COL25A1: variants seen among roughly 807,000 people sequenced by gnomAD.
COL25A1 encodes the protein collagen type XXV alpha 1 chain.
A neutral mutation model predicts 128.4 loss-of-function variants in COL25A1; 103 were observed. The observed-to-expected ratio is 0.80, with a 90% CI of 0.68 to 0.94. The LOEUF is 0.94. Among genes scored for constraint, COL25A1 ranks in the 40% least tolerant of loss-of-function variants. The pLI, the probability that COL25A1 is intolerant of heterozygous loss-of-function variation, is 0.00. For synonymous variants in COL25A1, 279 were observed against 277.2 expected (o/e 1.01, Z -0.06); for missense variants, 745 against 840.0 (o/e 0.89, Z 1.40).
chr4:109,298,095 T>C (rs1725166039), intron 3 of COL25A1, among the ~76,000 whole-genome samples: 1 of 151,994 alleles, frequency 6.6e-6, no homozygotes, highest in South Asian at 2.1e-4. Flanking sequence ...AAGTTAATCA[T>C]CTTCTCTGAG....
At chr4:109,182,891 C>T (rs998290493) in intron 3 of COL25A1, among the ~76,000 whole-genome samples, 4 of 151,990 alleles carry the variant, frequency 2.6e-5, no homozygotes, top group East Asian at 1.9e-4. Flanking sequence ...TTCCTATTAA[C>T]CTTTCAAGTT....
At chr4:109,100,803 G>A (rs1279239834) in intron 3 of COL25A1, among the ~76,000 whole-genome samples, 1 of 152,124 alleles carries the variant, frequency 6.6e-6, no homozygotes, top group African/African-American at 2.4e-5. Flanking sequence ...TGACAATGGA[G>A]AAGGAGATAT....
At chr4:109,229,618 C>T (rs1779034733) in intron 3 of COL25A1, among the ~76,000 whole-genome samples, 1 of 152,112 alleles carries the variant, frequency 6.6e-6, no homozygotes, top group Non-Finnish European at 1.5e-5. Flanking sequence ...AAACCACCAA[C>T]AGAAAGCACA....
At chr4:109,261,939 T>G (rs1327033771) in intron 3 of COL25A1, among the ~76,000 whole-genome samples, 1 of 151,898 alleles carries the variant, frequency 6.6e-6, no homozygotes, top group East Asian at 2.0e-4. Flanking sequence ...CCTCGTGATC[T>G]GCCTTTCTCG....
intron 3 of COL25A1, among the ~76,000 whole-genome samples, chr4:109,245,433 T>C (rs893067230): frequency 2.7e-5 from 4 of 150,764 alleles, no homozygotes; most frequent in Non-Finnish European, 5.9e-5. Context: ...AAGCCAAACT[T>C]GAAATAACAA....
chr4:109,285,161 A>G (rs943011521), intron 3 of COL25A1, among the ~76,000 whole-genome samples: 2 of 152,208 alleles, frequency 1.3e-5, no homozygotes, highest in African/African-American at 2.4e-5. Context: ...TTTATTCTAA[A>G]AATAAAGCCA....
chr4:109,272,956 T>G (rs548421494), intron 3 of COL25A1, among the ~76,000 whole-genome samples: 74 of 152,284 alleles, frequency 4.9e-4, no homozygotes, highest in African/African-American at 1.7e-3. Flanking sequence ...AGGGTCAATT[T>G]GGCTTCATCC....
chr4:108,844,355 C>T (rs1346279569), intron 30 of COL25A1, among the ~76,000 whole-genome samples, 164 bp downstream of exon 30: 1 of 152,224 alleles, frequency 6.6e-6, no homozygotes, highest in African/African-American at 2.4e-5. Flanking sequence ...GAGTGAATGA[C>T]AACACTGTAA....
At chr4:109,082,232 A>G (rs949992845) in intron 3 of COL25A1, among the ~76,000 whole-genome samples, 1 of 152,168 alleles carries the variant, frequency 6.6e-6, no homozygotes, top group Non-Finnish European at 1.5e-5. Context: ...AGCTGTTTAT[A>G]CTGGTTAGCT....
intron 6 of COL25A1, among the ~76,000 whole-genome samples, chr4:109,001,381 G>GAGATCCTGTCAGGTAGGCATCTT (rs1755363717): frequency 2.0e-5 from 3 of 152,302 alleles, no homozygotes; most frequent in South Asian, 2.1e-4. Context: ...ACAGGCATCT[G>GAGATCCTGTCAGGTAGGCATCTT]AGATCCTGTC....
intron 3 of COL25A1, among the ~76,000 whole-genome samples, chr4:109,093,437 C>T (rs1765100264): frequency 7.2e-6 from 1 of 139,354 alleles, no homozygotes; most frequent in African/African-American, 2.8e-5. Context: ...CTGGGCAATA[C>T]AGCAAGACTC....
intron 5 of COL25A1, among the ~76,000 whole-genome samples, chr4:109,033,414 A>G (rs1039783592): frequency 1.3e-5 from 2 of 152,222 alleles, no homozygotes; most frequent in African/African-American, 4.8e-5. Flanking sequence ...CCACAGCACA[A>G]TGAAATCTGG....
At chr4:109,093,865 C>T (rs1452754360) in intron 3 of COL25A1, among the ~76,000 whole-genome samples, 5 of 151,994 alleles carry the variant, frequency 3.3e-5, no homozygotes, top group Non-Finnish European at 5.9e-5. Context: ...AAAGCCTTTT[C>T]CTTTTTCTAA....
intron 5 of COL25A1, among the ~76,000 whole-genome samples, chr4:109,039,574 T>C (rs1472180767): frequency 6.6e-6 from 1 of 152,188 alleles, no homozygotes; most frequent in South Asian, 2.1e-4. Context: ...TATTCTCTAC[T>C]GTCCTCCCAC....
intron 3 of COL25A1, among the ~76,000 whole-genome samples, chr4:109,093,465 A>AAAACAAAAAC (rs1441313903): frequency 6.0e-5 from 8 of 133,740 alleles, no homozygotes; most frequent in African/African-American, 2.0e-4. Context: ...ATGAAAAAAA[A>AAAACAAAAAC]AAAAAAAAAA....
chr4:109,020,662 T>C lies in COL25A1; in HGVS notation c.421-10287A>G, dbSNP rs563478655. Among the ~76,000 whole-genome samples, 496 of 152,306 alleles carry C rather than the reference T, an allele frequency of 3.3e-3. 1 individual carries two copies. Among genetic ancestry groups the C allele is most frequent in the Non-Finnish European group, 5.9e-3 (404 of 68,004 alleles). ...ACATTAATTTTAAAATATTATATTT[T>C]CTAACACAATACCATATTTATTTTT... On this transcript the variant is annotated intron_variant, in intron 5 of 37. Coordinates refer to ENST00000399132, the MANE Select transcript of COL25A1 (RefSeq NM_198721.4).
chr4:109,105,782 A>G (rs1323799531), intron 3 of COL25A1, among the ~76,000 whole-genome samples: 1 of 152,216 alleles, frequency 6.6e-6, no homozygotes. Flanking sequence ...AGGTAAAGAT[A>G]TTAAATAAAA....
At chr4:109,120,494 T>A (rs1340655741) in intron 3 of COL25A1, among the ~76,000 whole-genome samples, 1 of 152,000 alleles carries the variant, frequency 6.6e-6, no homozygotes, top group Non-Finnish European at 1.5e-5. Flanking sequence ...CAACAATAAG[T>A]AAGAAGAATT....
Position 108,974,571 on chromosome 4 carries a change from A to G in COL25A1, c.439-12T>C. ...GGACCAGGAGGGCCCTGAAAAAAAG[A>G]AAGAGAAAAAAAATTTTAATTAAAA... On this transcript the variant is annotated splice_polypyrimidine_tract_variant and intron_variant, in intron 6 of 37. Transcript: ENST00000399132. The G allele has an allele frequency of 1.3e-6, 2 of 1,591,864 alleles. No individual in the cohort carries two copies. The highest frequency in any genetic ancestry group is 1.7e-6 in the Non-Finnish European group (2 of 1,171,020).
Sources: allele counts gnomAD v4.1 joint callset (sites outside exome capture counted in the v4.1 genomes callset), GRCh38; gene constraint gnomAD v4.1.1; transcripts MANE v1.5; gene names NCBI Gene and HGNC (gene_info 2026-07-23, HGNC 2026-07-21).